Variants in IL1RAPL2 observed in about 807,000 individuals in gnomAD.
IL1RAPL2 encodes the protein X-linked interleukin-1 receptor accessory protein-like 2.
Under a neutral mutation model 44.1 loss-of-function variants are expected in IL1RAPL2, and 3 were observed. That is an observed-to-expected ratio of 0.07 (90% confidence interval 0.03 to 0.18). The LOEUF (loss-of-function observed/expected upper bound fraction) is 0.18, where lower values mean the gene tolerates loss of function less well. Ranked by LOEUF, IL1RAPL2 falls within the 10% of genes least tolerant of loss-of-function variation. The probability of loss-of-function intolerance (pLI) is 1.00; values close to 1 mark genes in which losing one functional copy is unlikely to be tolerated. For missense variants in IL1RAPL2, 391 were observed against 496.4 expected (o/e 0.79, Z 2.02); for synonymous variants, 181 against 178.8 (o/e 1.01, Z -0.10).
At chrX:104,907,315 T>C (rs1176785830) in intron 2 of IL1RAPL2, among the ~76,000 whole-genome samples, 8 of 111,982 alleles carry the variant, frequency 7.1e-5, no homozygotes, top group Non-Finnish European at 1.5e-4. Flanking sequence ...AGTTCTGCTT[T>C]GATTTCAGTT....
At chrX:104,701,796 C>A (rs1931277770) in intron 2 of IL1RAPL2, among the ~76,000 whole-genome samples, 1 of 111,531 alleles carries the variant, frequency 9.0e-6, no homozygotes, top group Non-Finnish European at 1.9e-5. Context: ...CAAATAGTCC[C>A]AGTTGGTAAT....
intron 2 of IL1RAPL2, among the ~76,000 whole-genome samples, chrX:104,953,394 A>G (rs750763064): frequency 1.8e-5 from 2 of 112,324 alleles, no homozygotes; most frequent in Non-Finnish European, 3.8e-5. Flanking sequence ...ATTTGGATAG[A>G]TAAGTTCTGA....
chrX:105,669,279 C>T (rs1442995321), intron 6 of IL1RAPL2, among the ~76,000 whole-genome samples: 2 of 111,634 alleles, frequency 1.8e-5, no homozygotes, highest in Non-Finnish European at 3.8e-5. Flanking sequence ...TCATTCATTA[C>T]GCTTTCTGGG....
chrX:104,950,627 C>T (rs1385589729), intron 2 of IL1RAPL2, among the ~76,000 whole-genome samples: 3 of 112,755 alleles, frequency 2.7e-5, no homozygotes. Context: ...AGCGATACTC[C>T]GTGGGCGTAG....
intron 6 of IL1RAPL2, among the ~76,000 whole-genome samples, chrX:105,559,009 T>A (rs1410155108): frequency 8.9e-6 from 1 of 111,989 alleles, no homozygotes; most frequent in Non-Finnish European, 1.9e-5. Flanking sequence ...TATCTTTAAT[T>A]TACATTGCCT....
At chrX:104,774,877 T>C (rs912499586) in intron 2 of IL1RAPL2, among the ~76,000 whole-genome samples, 3 of 112,210 alleles carry the variant, frequency 2.7e-5, no homozygotes, top group African/African-American at 9.7e-5. Context: ...AGTAATCAGC[T>C]TTCTCTTCTG....
intron 2 of IL1RAPL2, among the ~76,000 whole-genome samples, chrX:105,042,526 A>C (rs1224202277): frequency 4.7e-5 from 5 of 107,425 alleles, no homozygotes; most frequent in African/African-American, 1.7e-4. Context: ...AACCACAATG[A>C]GATACCACCT....
chrX:104,855,294 C>G (rs897725325), intron 2 of IL1RAPL2, among the ~76,000 whole-genome samples: 41 of 111,607 alleles, frequency 3.7e-4, no homozygotes, highest in Middle Eastern at 4.6e-3. Context: ...AAGTTTGGAG[C>G]TACTGAGTCA....
At position 105,548,033 on chromosome X, in the gene IL1RAPL2, C is replaced by T. The variant is rs528326712; in HGVS notation, c.772+63646C>T. Among the ~76,000 whole-genome samples, 13 of 111,858 alleles carry T rather than the reference C, an allele frequency of 1.2e-4. 1 individual carries two copies. The highest frequency in any genetic ancestry group is 3.6e-4 in the African/African-American group (11 of 30,792). On this transcript the variant is annotated intron_variant, in intron 6 of 10. Transcript: ENST00000372582. ...ATTAGCCTATTTTATCAGAGTTCAA[C>T]TCTGGCTTCTGGTAACTTGCATTCA...
At chrX:105,699,165 T>C in intron 6 of IL1RAPL2, among the ~76,000 whole-genome samples, 1 of 111,566 alleles carries the variant, frequency 9.0e-6, no homozygotes, top group East Asian at 2.8e-4. Context: ...ATTTTATACT[T>C]AATTTTGTAT....
At chrX:105,669,206 AG>A (rs1451341440) in intron 6 of IL1RAPL2, among the ~76,000 whole-genome samples, 1 of 111,763 alleles carries the variant, frequency 8.9e-6, no homozygotes, top group African/African-American at 3.3e-5. Flanking sequence ...AGTAAAAAGC[AG>A]GGTGGGTGTT....
At chrX:104,979,842 A>G (rs1341758745) in intron 2 of IL1RAPL2, among the ~76,000 whole-genome samples, 1 of 112,120 alleles carries the variant, frequency 8.9e-6, no homozygotes, top group African/African-American at 3.2e-5. Flanking sequence ...ATTTATGAGG[A>G]TCACAACTGG....
At chrX:105,128,401 C>A (rs1157799600) in intron 2 of IL1RAPL2, among the ~76,000 whole-genome samples, 3 of 110,896 alleles carry the variant, frequency 2.7e-5, no homozygotes, top group Non-Finnish European at 5.7e-5. Flanking sequence ...ATGTGTATAT[C>A]TACACAACTT....
At chrX:104,670,276 G>T (rs1326035625) in intron 2 of IL1RAPL2, among the ~76,000 whole-genome samples, 1 of 111,475 alleles carries the variant, frequency 9.0e-6, no homozygotes, top group Non-Finnish European at 1.9e-5. Flanking sequence ...AAAGTCCAAA[G>T]AACCTGGAGT....
chrX:105,335,137 T>G (rs1365024067), intron 5 of IL1RAPL2, among the ~76,000 whole-genome samples: 2 of 110,832 alleles, frequency 1.8e-5, no homozygotes, highest in Non-Finnish European at 1.9e-5. Context: ...CAAGGACTTC[T>G]ATGTGGCTGC....
At chrX:105,278,831 C>T (rs1248335593) in intron 5 of IL1RAPL2, among the ~76,000 whole-genome samples, 2 of 111,332 alleles carry the variant, frequency 1.8e-5, no homozygotes, top group African/African-American at 6.5e-5. Flanking sequence ...TTACAAATTA[C>T]CTGAATGGGT....
At chrX:105,470,132 G>T (rs1602426409) in intron 5 of IL1RAPL2, among the ~76,000 whole-genome samples, 1 of 111,233 alleles carries the variant, frequency 9.0e-6, no homozygotes, top group East Asian at 2.8e-4. Flanking sequence ...TATATCTCTG[G>T]GATGCAATGT....
chrX:104,904,408 T>G (rs1468544499), intron 2 of IL1RAPL2, among the ~76,000 whole-genome samples: 2 of 104,722 alleles, frequency 1.9e-5, no homozygotes, highest in East Asian at 6.4e-4. Context: ...CCCACTAACT[T>G]GTCATCTAGC....
At chrX:105,416,966 C>G (rs923719805) in intron 5 of IL1RAPL2, among the ~76,000 whole-genome samples, 1 of 112,183 alleles carries the variant, frequency 8.9e-6, no homozygotes, top group Non-Finnish European at 1.9e-5. Flanking sequence ...GTTCTTGTCC[C>G]CTATTCCATG....
Sources: gnomAD v4.1 joint callset for allele counts (sites outside exome capture counted in the v4.1 genomes callset) on GRCh38, gnomAD v4.1.1 for gene constraint, MANE v1.5 for transcripts, NCBI Gene and HGNC (gene_info 2026-07-23, HGNC 2026-07-21) for gene names.